Variants in BCL7C observed in about 807,000 individuals in gnomAD.
BCL7C encodes the protein B-cell CLL/lymphoma 7 protein family member C.
Under a neutral mutation model 26.2 loss-of-function variants are expected in BCL7C, and 8 were observed. The observed-to-expected ratio is 0.30, with a 90% CI of 0.18 to 0.55. The LOEUF is 0.55. BCL7C is among the 20% of genes least tolerant of loss of function. The probability of loss-of-function intolerance (pLI) is 0.93; values close to 1 mark genes in which losing one functional copy is unlikely to be tolerated. For missense variants in BCL7C, 262 were observed against 298.5 expected (o/e 0.88, Z 0.90); for synonymous variants, 90 against 116.5 (o/e 0.77, Z 1.47).
intron 5 of BCL7C, among the ~76,000 whole-genome samples, chr16:30,864,986 G>A (rs1283632122): frequency 1.3e-5 from 2 of 151,760 alleles, no homozygotes. Flanking sequence ...GGCTAACACG[G>A]TGAAACCCCA....
intron 5 of BCL7C, among the ~76,000 whole-genome samples, chr16:30,855,183 C>A (rs891424989): frequency 6.6e-6 from 1 of 152,104 alleles, no homozygotes; most frequent in African/African-American, 2.4e-5. Flanking sequence ...AGTCTTCAAT[C>A]CAGGTCATCA....
intron 5 of BCL7C, among the ~76,000 whole-genome samples, chr16:30,838,089 G>T (rs1363730181): frequency 1.3e-5 from 2 of 152,214 alleles, no homozygotes; most frequent in Non-Finnish European, 2.9e-5. Context: ...ACAGCCCGAG[G>T]TCTCAATTCA....
downstream of BCL7C, among the ~76,000 whole-genome samples, chr16:30,885,444 C>T (rs535470393): frequency 5.1e-4 from 76 of 149,694 alleles, no homozygotes; most frequent in African/African-American, 1.8e-3. Context: ...GAGTCTTGCT[C>T]CATCACCCAG....
intron 5 of BCL7C, among the ~76,000 whole-genome samples, chr16:30,878,139 C>T (rs1567319072): frequency 6.6e-6 from 1 of 151,614 alleles, no homozygotes; most frequent in Non-Finnish European, 1.5e-5. Context: ...CATGCCACTG[C>T]ACTGCAGCCT....
intron 4 of BCL7C, among the ~76,000 whole-genome samples, chr16:30,889,164 G>T (rs2055184771): frequency 6.6e-6 from 1 of 152,172 alleles, no homozygotes; most frequent in Non-Finnish European, 1.5e-5. Context: ...AGTATGACAC[G>T]TGAGACAGAG....
downstream of BCL7C, among the ~76,000 whole-genome samples, chr16:30,887,443 C>T (rs1362946873): frequency 6.7e-6 from 1 of 148,188 alleles, no homozygotes; most frequent in African/African-American, 2.5e-5. Context: ...CACCACTGCA[C>T]TCCTGCCTGG....
chr16:30,875,038 G>A (rs552344445), intron 5 of BCL7C, among the ~76,000 whole-genome samples: 1 of 152,270 alleles, frequency 6.6e-6, no homozygotes, highest in Admixed American at 6.6e-5. Context: ...CTCCTTCCCG[G>A]CCTCATCTTT....
chr16:30,854,987 C>T (rs1025765704), intron 5 of BCL7C, among the ~76,000 whole-genome samples: 1 of 152,028 alleles, frequency 6.6e-6, no homozygotes, highest in Admixed American at 6.6e-5. Flanking sequence ...CGTGAGCCAC[C>T]ATGCCCAACC....
chr16:30,878,297 G>A (rs141475387), intron 5 of BCL7C, among the ~76,000 whole-genome samples: 1,742 of 152,206 alleles, frequency 0.011, 24 homozygotes, highest in African/African-American at 0.038. Flanking sequence ...TTGGGAGGCC[G>A]AGGGAGACGG....
At chr16:30,838,515 G>A (rs1335918971) in intron 5 of BCL7C, among the ~76,000 whole-genome samples, 2 of 152,218 alleles carry the variant, frequency 1.3e-5, no homozygotes, top group East Asian at 3.8e-4. Context: ...AGGCGCAGTG[G>A]CCCATGCCTG....
chr16:30,870,459 G>A (rs78005375), intron 5 of BCL7C, among the ~76,000 whole-genome samples: 1 of 152,208 alleles, frequency 6.6e-6, no homozygotes, highest in African/African-American at 2.4e-5. Context: ...GAGCCCAGGA[G>A]TTTGAGACCA....
At chr16:30,858,787 C>T (rs939950384) in intron 5 of BCL7C, among the ~76,000 whole-genome samples, 1 of 152,076 alleles carries the variant, frequency 6.6e-6, no homozygotes, top group East Asian at 1.9e-4. Flanking sequence ...AAGAAGAGAA[C>T]GGGAACAGTG....
intron 5 of BCL7C, chr16:30,875,416 G>A (rs2054933117): frequency 6.6e-6 from 1 of 152,486 alleles, no homozygotes. Context: ...GCACGCGCAG[G>A]GCTGCGTCTG....
At chr16:30,884,785 C>G (rs1242406026), downstream of BCL7C, among the ~76,000 whole-genome samples, 8 of 152,170 alleles carry the variant, frequency 5.3e-5, no homozygotes, top group Admixed American at 3.3e-4. Context: ...GTGTGAGCCA[C>G]CATGCCTGGC....
intron 5 of BCL7C, among the ~76,000 whole-genome samples, chr16:30,877,593 C>G (rs2054969195): frequency 6.6e-6 from 1 of 151,982 alleles, no homozygotes; most frequent in South Asian, 2.1e-4. Flanking sequence ...GCACCCGCCA[C>G]CGCGCCCAGC....
At chr16:30,877,181 C>A (rs998197424) in intron 5 of BCL7C, among the ~76,000 whole-genome samples, 3 of 152,126 alleles carry the variant, frequency 2.0e-5, no homozygotes, top group Admixed American at 6.5e-5. Flanking sequence ...CCCCTACCCC[C>A]CTACCCCACC....
intron 5 of BCL7C, among the ~76,000 whole-genome samples, chr16:30,853,823 C>T (rs1038813563): frequency 3.3e-5 from 5 of 152,158 alleles, no homozygotes; most frequent in East Asian, 1.9e-4. Flanking sequence ...TACCTCTAGG[C>T]GCTCTACCAT....
chr16:30,848,629 C>T (rs2054650002), intron 5 of BCL7C, among the ~76,000 whole-genome samples: 1 of 152,150 alleles, frequency 6.6e-6, no homozygotes. Flanking sequence ...GTGACTCACA[C>T]CTGTAATCCC....
At chr16:30,851,304 A>G (rs966350476) in intron 5 of BCL7C, 3 of 211,352 alleles carry the variant, frequency 1.4e-5, no homozygotes, top group South Asian at 7.4e-5. Flanking sequence ...GCAGTGGCAC[A>G]ATCTTGGCTC....
Sources: allele counts gnomAD v4.1 joint callset (sites outside exome capture counted in the v4.1 genomes callset), GRCh38; gene constraint gnomAD v4.1.1; transcripts MANE v1.5; gene names NCBI Gene and HGNC (gene_info 2026-07-23, HGNC 2026-07-21).